AHCYL2: variants seen among roughly 807,000 people sequenced by gnomAD.
The protein encoded by AHCYL2 is adenosylhomocysteinase like 2, also known as S-adenosylhomocysteine hydrolase-like protein 2.
Under a neutral mutation model 81.4 loss-of-function variants are expected in AHCYL2, and 28 were observed. The observed-to-expected ratio is 0.34, with a 90% CI of 0.25 to 0.47. The LOEUF (loss-of-function observed/expected upper bound fraction) is 0.47, where lower values mean the gene tolerates loss of function less well. AHCYL2 is among the 20% of genes least tolerant of loss of function. The pLI is 1.00. For synonymous variants in AHCYL2, 272 were observed against 290.2 expected (o/e 0.94, Z 0.64); for missense variants, 551 against 785.1 (o/e 0.70, Z 3.56).
At chr7:129,363,167 A>G (rs1046201874) in intron 1 of AHCYL2, among the ~76,000 whole-genome samples, 1 of 152,222 alleles carries the variant, frequency 6.6e-6, no homozygotes, top group South Asian at 2.1e-4. Flanking sequence ...TACAGTTTGC[A>G]TAACTTTTTT....
At chr7:129,375,720 A>G in intron 1 of AHCYL2, 1 of 1,454,296 alleles carries the variant, frequency 6.9e-7, no homozygotes, top group East Asian at 2.5e-5. Flanking sequence ...GAGCTGCTTC[A>G]GGGATTCCAA....
chr7:129,333,233 G>A (rs1229993153), intron 1 of AHCYL2, among the ~76,000 whole-genome samples: 1 of 150,642 alleles, frequency 6.6e-6, no homozygotes, highest in African/African-American at 2.5e-5. Flanking sequence ...ACCTTAAGAG[G>A]CTGAGTCCAG....
intron 1 of AHCYL2, among the ~76,000 whole-genome samples, chr7:129,370,941 A>G (rs774076200): frequency 1.1e-4 from 17 of 152,182 alleles, no homozygotes; most frequent in Non-Finnish European, 2.1e-4. Context: ...TTCAGATACC[A>G]CGTAAGTCAT....
rs530241492 is a variant in AHCYL2 at position 129,398,325 on chromosome 7, G to GT, written c.823+1012dup. The stretch of plus-strand genomic sequence containing the variant: ...CATGCCCAGCCCATTTCTTTTTTCT[G>GT]TTTTTTTTTTTAAATTTAATTTAAT... On this transcript the variant is annotated intron_variant, in intron 5 of 16. Coordinates refer to ENST00000325006, the MANE Select transcript of AHCYL2 (RefSeq NM_015328.4). 3.0e-3 allele frequency among the ~76,000 whole-genome samples: 394 copies of GT among 130,650 alleles called. 3 individuals carry two copies. The highest frequency in any genetic ancestry group is 0.011 in the South Asian group (42 of 3,964). The allele number at this position is 130,650 out of a possible 152,430, so 85.7% of individuals were successfully genotyped here.
intron 1 of AHCYL2, among the ~76,000 whole-genome samples, chr7:129,284,273 A>G (rs1796547555): frequency 6.6e-6 from 1 of 152,120 alleles, no homozygotes; most frequent in Non-Finnish European, 1.5e-5. Context: ...GAGGAATAGG[A>G]AAATTTCACC....
At chr7:129,251,311 G>A (rs1413338582) in intron 1 of AHCYL2, among the ~76,000 whole-genome samples, 2 of 127,604 alleles carry the variant, frequency 1.6e-5, no homozygotes, top group Non-Finnish European at 3.2e-5. Flanking sequence ...CTGGCAGATA[G>A]TAAAGATTTT....
chr7:129,291,543 G>T, intron 1 of AHCYL2, among the ~76,000 whole-genome samples: 1 of 147,634 alleles, frequency 6.8e-6, no homozygotes, highest in Admixed American at 6.7e-5. Flanking sequence ...AGGATGGGGT[G>T]GTATTCATAA....
chr7:129,421,354 A>G (rs1797111487), intron 12 of AHCYL2, among the ~76,000 whole-genome samples: 1 of 152,086 alleles, frequency 6.6e-6, no homozygotes, highest in Non-Finnish European at 1.5e-5. Context: ...AAAGAGTTGT[A>G]TAATATTCCA....
At chr7:129,297,553 A>G (rs2150757676) in intron 1 of AHCYL2, among the ~76,000 whole-genome samples, 1 of 152,294 alleles carries the variant, frequency 6.6e-6, no homozygotes, top group Non-Finnish European at 1.5e-5. Context: ...AGAAATTTCT[A>G]CGTAGCTCTG....
At position 129,406,566 on chromosome 7, in the gene AHCYL2, A is replaced by C. The variant is rs1796318048; in HGVS notation, c.1295+100A>C. Reference sequence around the variant, plus strand: ...TTATTTTAGAGGAGCCCAGATCCTCAGAGATGCTGCCACTAACTCTAAGCA... The same window carrying C: ...TTATTTTAGAGGAGCCCAGATCCTCCGAGATGCTGCCACTAACTCTAAGCA... On this transcript the variant is annotated intron_variant, in intron 10 of 16. Transcript: ENST00000325006. The surrounding 1 kb of genome is among the most constrained non-coding windows in gnomAD (Gnocchi z 4.3). 9.0e-7 allele frequency: 1 copy of C among 1,110,170 alleles called. No homozygotes were observed. The highest frequency in any genetic ancestry group is 1.4e-6 in the Non-Finnish European group (1 of 728,584). 68.8% of individuals were successfully genotyped at this position (1,110,170 alleles called of 1,614,324 possible).
intron 1 of AHCYL2, among the ~76,000 whole-genome samples, chr7:129,346,293 C>G (rs1034102148): frequency 6.6e-5 from 10 of 152,068 alleles, no homozygotes; most frequent in South Asian, 2.1e-4. Flanking sequence ...AGTTAAACTT[C>G]TCAGAGCCTC....
chr7:129,294,034 A>G (rs1796967803), intron 1 of AHCYL2, among the ~76,000 whole-genome samples: 5 of 152,134 alleles, frequency 3.3e-5, no homozygotes, highest in Admixed American at 3.3e-4. Flanking sequence ...TAATGTTTGT[A>G]TTATTTCACT....
chr7:129,365,229 A>C (rs957501314), intron 1 of AHCYL2, among the ~76,000 whole-genome samples: 6 of 152,216 alleles, frequency 3.9e-5, no homozygotes, highest in African/African-American at 1.4e-4. Flanking sequence ...GTCAGGTTTC[A>C]TGGTAGAACT....
chr7:129,244,849 C>A (rs1294916779), intron 1 of AHCYL2, among the ~76,000 whole-genome samples: 1 of 152,086 alleles, frequency 6.6e-6, no homozygotes, highest in African/African-American at 2.4e-5. Context: ...TTGTTGATGT[C>A]TTTACCAATT....
chr7:129,262,767 T>C (rs1230550417), intron 1 of AHCYL2, among the ~76,000 whole-genome samples: 1 of 152,194 alleles, frequency 6.6e-6, no homozygotes, highest in Admixed American at 6.5e-5. Context: ...GGGGTCTCCT[T>C]GGCCAAGAGA....
chr7:129,322,762 C>T (rs1373741707), intron 1 of AHCYL2, among the ~76,000 whole-genome samples: 2 of 151,938 alleles, frequency 1.3e-5, no homozygotes, highest in Non-Finnish European at 1.5e-5. Context: ...AGGCTAATTT[C>T]GTATTTTTTT....
At chr7:129,374,686 A>T (rs1343816706) in intron 1 of AHCYL2, among the ~76,000 whole-genome samples, 1 of 151,948 alleles carries the variant, frequency 6.6e-6, no homozygotes, top group Non-Finnish European at 1.5e-5. Context: ...ACATGCCTGT[A>T]ATCCCAGCTA....
intron 1 of AHCYL2, among the ~76,000 whole-genome samples, chr7:129,300,892 T>C (rs1210277839): frequency 6.6e-6 from 1 of 152,196 alleles, no homozygotes; most frequent in South Asian, 2.1e-4. Context: ...TGGAGCGCAG[T>C]GGCACAATCT....
At chr7:129,279,113 T>A (rs943510580) in intron 1 of AHCYL2, among the ~76,000 whole-genome samples, 2 of 152,216 alleles carry the variant, frequency 1.3e-5, no homozygotes, top group African/African-American at 4.8e-5. Context: ...CATCTGGGAT[T>A]TTTATTGGAA....
Sources: gnomAD v4.1 joint callset for allele counts (sites outside exome capture counted in the v4.1 genomes callset) on GRCh38, gnomAD v4.1.1 for gene constraint, Gnocchi (gnomAD v3.1) non-coding constraint, MANE v1.5 for transcripts, NCBI Gene and HGNC (gene_info 2026-07-23, HGNC 2026-07-21) for gene names.